LAMA1: variants seen among roughly 807,000 people sequenced by gnomAD.
The protein encoded by LAMA1 is laminin subunit alpha 1.
In LAMA1, 219 loss-of-function variants were observed where a neutral mutation model predicts 348.7. That is an observed-to-expected ratio of 0.63 (90% CI 0.56 to 0.70). LAMA1 has a LOEUF of 0.70. Ranked by LOEUF, LAMA1 falls within the 30% of genes least tolerant of loss-of-function variation. The pLI is 0.00. For synonymous variants in LAMA1, 1,487 were observed against 1,491.0 expected (o/e 1.00, Z 0.06); for missense variants, 3,744 against 3,888.0 (o/e 0.96, Z 0.99).
chr18:6,988,264 G>T (rs2057744052), intron 36 of LAMA1, among the ~76,000 whole-genome samples: 1 of 152,194 alleles, frequency 6.6e-6, no homozygotes, highest in Non-Finnish European at 1.5e-5. Flanking sequence ...CACTTCATTA[G>T]CTTCTTCTAG....
At chr18:6,993,805 CTT>C (rs777006492) in intron 34 of LAMA1, 53 bp from the exon 35 acceptor site, 28 of 1,003,294 alleles carry the variant, frequency 2.8e-5, no homozygotes, top group Non-Finnish European at 4.3e-5. Flanking sequence ...ATTAGTTTGA[CTT>C]TAAATAATAC....
intron 3 of LAMA1, among the ~76,000 whole-genome samples, chr18:7,065,185 A>T (rs1002581052): frequency 7.2e-6 from 1 of 138,820 alleles, no homozygotes; most frequent in African/African-American, 2.7e-5. Flanking sequence ...GTGAGCTGAG[A>T]TTGCGCCACT....
chr18:7,027,565 C>T (rs2057949717), intron 16 of LAMA1, among the ~76,000 whole-genome samples: 1 of 133,382 alleles, frequency 7.5e-6, no homozygotes, highest in Non-Finnish European at 1.5e-5. Flanking sequence ...AAGCGATCCA[C>T]AATCAGGGGA....
At chr18:6,999,277 A>G (rs2057796500) in intron 32 of LAMA1, among the ~76,000 whole-genome samples, 168 bp downstream of exon 32, 1 of 152,204 alleles carries the variant, frequency 6.6e-6, no homozygotes, top group African/African-American at 2.4e-5. Context: ...ACATGATGAA[A>G]GGTTCAGTTC....
intron 27 of LAMA1, among the ~76,000 whole-genome samples, chr18:7,009,002 G>A (rs1305613025): frequency 2.6e-5 from 4 of 152,096 alleles, no homozygotes; most frequent in African/African-American, 9.7e-5. Flanking sequence ...TTTATCTTCA[G>A]CTAAGATTCC....
At chr18:7,046,480 A>G (rs1479837352) in intron 5 of LAMA1, 113 bp from the exon 6 acceptor site, 2 of 634,640 alleles carry the variant, frequency 3.2e-6, no homozygotes, top group Non-Finnish European at 5.6e-6. Context: ...TTGGTAATCT[A>G]AAATATAATT....
At position 6,958,018 on chromosome 18, in the gene LAMA1, G is replaced by A. The variant is rs774719910; in HGVS notation, c.7964+459C>T. Among the ~76,000 whole-genome samples, 43 of 152,196 alleles carry A rather than the reference G, an allele frequency of 2.8e-4. No individual in the cohort carries two copies. The Middle Eastern group carries it at 0.01, about 36-fold the overall frequency. ...GCTGGTCTCAAACTCCTGACCTCAT[G>A]ATCTGCCTGCCTTGGACCCCCAAAG... On this transcript the variant is annotated intron_variant, in intron 55 of 62. Transcript: ENST00000389658.
At chr18:6,989,083 C>G (rs1208863736) in intron 36 of LAMA1, among the ~76,000 whole-genome samples, 4 of 152,132 alleles carry the variant, frequency 2.6e-5, no homozygotes, top group Non-Finnish European at 5.9e-5. Context: ...TCGACTTTTG[C>G]TATGTGCTAG....
At chr18:7,117,588 G>C in intron 1 of LAMA1, 72 bp downstream of exon 1, 1 of 1,510,494 alleles carries the variant, frequency 6.6e-7, no homozygotes, top group Non-Finnish European at 9.0e-7. Flanking sequence ...CAACGCGACG[G>C]GCTTTGTCCG....
Position 7,008,584 on chromosome 18 carries a change from A to T in LAMA1, c.4026T>A (p.Val1342=). 1.2e-6 allele frequency: 2 copies of T among 1,612,890 alleles called. No individual in the cohort carries two copies. The highest frequency in any genetic ancestry group is 1.7e-6 in the Non-Finnish European group (2 of 1,179,016). The change falls in exon 28 of 63, where the codon GTT becomes GTA. Residue 1342 remains valine (V), a synonymous_variant. Transcript: ENST00000389658. ...QSRISDISME[V]GRKAEKLHPE... ...GGTGCAGCTTTTCAGCCTTTCTGCC[A>T]ACCTCCATTGAAATGTCTGAGATTC...
At chr18:6,980,195 T>C (rs1356936775) in intron 42 of LAMA1, among the ~76,000 whole-genome samples, 1 of 152,226 alleles carries the variant, frequency 6.6e-6, no homozygotes, top group Non-Finnish European at 1.5e-5. Flanking sequence ...TTCCAGCTTC[T>C]TTACTTGCTG....
At chr18:7,007,848 C>G (rs146075791) in intron 28 of LAMA1, among the ~76,000 whole-genome samples, 7 of 152,204 alleles carry the variant, frequency 4.6e-5, no homozygotes, top group African/African-American at 9.6e-5. Flanking sequence ...CATGGATGAG[C>G]CTTGAGGACA....
chr18:6,967,754 T>C (rs1375701196), intron 48 of LAMA1, among the ~76,000 whole-genome samples: 1 of 151,966 alleles, frequency 6.6e-6, no homozygotes, highest in African/African-American at 2.4e-5. Flanking sequence ...ACTCCAGAAA[T>C]TTGTCTTGGT....
intron 1 of LAMA1, among the ~76,000 whole-genome samples, chr18:7,093,979 G>T (rs1302626008): frequency 6.6e-6 from 1 of 151,850 alleles, no homozygotes; most frequent in Non-Finnish European, 1.5e-5. Context: ...GTTTTGCCAC[G>T]TTGTCCAAGC....
intron 7 of LAMA1, among the ~76,000 whole-genome samples, chr18:7,043,938 G>A (rs1399392335): frequency 4.6e-5 from 7 of 152,056 alleles, no homozygotes; most frequent in African/African-American, 9.7e-5. Context: ...GGCGGATCAC[G>A]AGGTCAAGAG....
At chr18:7,098,622 C>T (rs1255364588) in intron 1 of LAMA1, among the ~76,000 whole-genome samples, 2 of 151,512 alleles carry the variant, frequency 1.3e-5, no homozygotes, top group African/African-American at 2.4e-5. Context: ...GCAACCGCCC[C>T]GTCTGAGAAG....
chr18:7,068,463 C>A (rs8090011), intron 3 of LAMA1, among the ~76,000 whole-genome samples: 66 of 152,168 alleles, frequency 4.3e-4, no homozygotes, highest in African/African-American at 1.5e-3. Context: ...CAGAGATTCC[C>A]TGATTTCTTA....
At chr18:7,057,261 A>G (rs1214867830) in intron 3 of LAMA1, among the ~76,000 whole-genome samples, 1 of 152,050 alleles carries the variant, frequency 6.6e-6, no homozygotes, top group Non-Finnish European at 1.5e-5. Context: ...AGGTTAGGTA[A>G]TCTTCCCAGG....
intron 49 of LAMA1, 59 bp from the exon 50 acceptor site, chr18:6,965,491 CT>C: frequency 6.3e-7 from 1 of 1,594,412 alleles, no homozygotes; most frequent in Non-Finnish European, 8.6e-7. Context: ...TTCCCTTTCC[CT>C]TCAAGTCAGG....
Sources: gnomAD v4.1 joint callset for allele counts (sites outside exome capture counted in the v4.1 genomes callset) on GRCh38, gnomAD v4.1.1 for gene constraint, MANE v1.5 for transcripts, NCBI Gene and HGNC (gene_info 2026-07-23, HGNC 2026-07-21) for gene names.